The following GPM6B variants were observed in gnomAD, a reference collection of about 807,000 sequenced individuals.
GPM6B encodes the protein neuronal membrane glycoprotein M6-b.
GPM6B carries 4 observed loss-of-function variants against 27.2 expected under a neutral mutation model. The ratio of observed to expected loss-of-function variants is 0.15; its 90% CI spans 0.07 to 0.34. The LOEUF (loss-of-function observed/expected upper bound fraction) is 0.34. Ranked by LOEUF, GPM6B falls within the 10% of genes least tolerant of loss-of-function variation. GPM6B has a pLI of 1.00. For synonymous variants in GPM6B, 124 were observed against 103.1 expected, an observed-to-expected ratio of 1.20 and a Z score of -1.23; for missense variants, 183 against 261.9, an observed-to-expected ratio of 0.70 and a Z score of 2.08.
intron 2 of GPM6B, among the ~76,000 whole-genome samples, chrX:13,787,041 CAAAAAAAAAAAAA>C (rs869123073): frequency 4.1e-5 from 1 of 24,510 alleles, no homozygotes; most frequent in Non-Finnish European, 6.2e-5. Context: ...ATTAAGCCAG[CAAAAAAAAAAAAA>C]AAAAAAAAAA....
At chrX:13,917,361 A>C (rs992446863) in intron 1 of GPM6B, among the ~76,000 whole-genome samples, 2 of 112,836 alleles carry the variant, frequency 1.8e-5, no homozygotes, top group Non-Finnish European at 1.9e-5. Context: ...TTAGTTCTCC[A>C]AACAATTTAT....
chrX:13,863,507 G>A (rs1243127758), intron 1 of GPM6B, among the ~76,000 whole-genome samples: 1 of 111,541 alleles, frequency 9.0e-6, no homozygotes, highest in African/African-American at 3.3e-5. Flanking sequence ...CACACCACAA[G>A]CAAAAGTAAG....
intron 1 of GPM6B, among the ~76,000 whole-genome samples, chrX:13,814,860 T>C (rs1342553360): frequency 8.9e-6 from 1 of 112,370 alleles, no homozygotes; most frequent in African/African-American, 3.2e-5. Flanking sequence ...TTCAAGCATG[T>C]ACCATACATG....
At chrX:13,912,805 C>T (rs2050390134) in intron 1 of GPM6B, among the ~76,000 whole-genome samples, 1 of 111,755 alleles carries the variant, frequency 8.9e-6, no homozygotes, top group African/African-American at 3.3e-5. Context: ...GCCTTCTGCA[C>T]TTGATACAAT....
intron 1 of GPM6B, among the ~76,000 whole-genome samples, chrX:13,919,583 A>T (rs1685108689): frequency 1.8e-5 from 2 of 112,356 alleles, no homozygotes; most frequent in Admixed American, 9.5e-5. Flanking sequence ...TGAAAATGAC[A>T]TTTTTACTGA....
At chrX:13,850,686 T>C (rs1331597476) in intron 1 of GPM6B, among the ~76,000 whole-genome samples, 1 of 112,042 alleles carries the variant, frequency 8.9e-6, no homozygotes, top group East Asian at 2.8e-4. Flanking sequence ...CCAGCTTCTT[T>C]GAAAAAATGA....
chrX:13,935,819 T>C (rs1338078198), intron 1 of GPM6B, among the ~76,000 whole-genome samples: 1 of 112,433 alleles, frequency 8.9e-6, no homozygotes, highest in Non-Finnish European at 1.9e-5. Flanking sequence ...CAGCCAAACA[T>C]GGAACCCTTC....
Position 13,772,614 on chromosome X carries a change from G to A in GPM6B, c.*267C>T. On this transcript the variant is annotated 3_prime_UTR_variant, in exon 8 of 8. Coordinates refer to ENST00000316715, the MANE Select transcript of GPM6B (RefSeq NM_001001995.3). ...TTGCCCTAGCAATAAATGTGAACATGCCACAAATTCCCAAAGTATGAACGA... is the reference window on the plus strand; with the variant it reads ...TTGCCCTAGCAATAAATGTGAACATACCACAAATTCCCAAAGTATGAACGA... 3.4e-6 allele frequency: 1 copy of A among 294,081 alleles called. No homozygotes were observed. Among genetic ancestry groups the A allele is most frequent in the South Asian group, 9.5e-5 (1 of 10,497 alleles). 24.2% of individuals were successfully genotyped at this position (294,081 alleles called of 1,213,427 possible).
intron 1 of GPM6B, among the ~76,000 whole-genome samples, chrX:13,843,455 T>C (rs955755021): frequency 1.7e-4 from 19 of 112,300 alleles, no homozygotes; most frequent in Non-Finnish European, 2.6e-4. Flanking sequence ...TTTGGGTATA[T>C]ACCTGAAAGT....
intron 1 of GPM6B, among the ~76,000 whole-genome samples, chrX:13,921,760 G>A (rs1920979701): frequency 9.0e-6 from 1 of 110,895 alleles, no homozygotes; most frequent in African/African-American, 3.3e-5. Context: ...TGTATTTTTA[G>A]TAGAGACGGG....
rs189779801 is a variant in GPM6B at position 13,832,376 on chromosome X, T to C, written c.-197-46568A>G. Among the ~76,000 whole-genome samples, 460 of 112,432 alleles carry C rather than the reference T, an allele frequency of 4.1e-3. 2 individuals carry two copies. Among genetic ancestry groups the C allele is most frequent in the African/African-American group, 0.014 (431 of 30,985 alleles). On this transcript the variant is annotated intron_variant, in intron 1 of 6. Coordinates refer to the GPM6B transcript ENST00000398361. ...ACAAAATATTTGAAATTTACCAACA[T>C]GTGGCTTGTTGAAGTATCCGAAATT...
Position 13,772,566 on chromosome X carries a change from T to C in GPM6B, c.*315A>G, listed in dbSNP as rs1332461203. On this transcript the variant is annotated 3_prime_UTR_variant, in exon 8 of 8. Coordinates refer to ENST00000316715, the MANE Select transcript of GPM6B (RefSeq NM_001001995.3). The stretch of plus-strand genomic sequence containing the variant: ...GGTCCCTATTAAGGAGTGTGACATA[T>C]TCCATTGAGTGTCTTGGTAGAATTG... 1 of 229,117 alleles carries C rather than the reference T, an allele frequency of 4.4e-6. No homozygotes were observed. The highest frequency in any genetic ancestry group is 8.0e-6 in the Non-Finnish European group (1 of 124,810). 18.9% of individuals were successfully genotyped at this position (229,117 alleles called of 1,213,427 possible).
intron 2 of GPM6B, among the ~76,000 whole-genome samples, chrX:13,803,789 C>A (rs899311817): frequency 9.0e-6 from 1 of 111,687 alleles, no homozygotes; most frequent in African/African-American, 3.3e-5. Flanking sequence ...CTCACCTTCA[C>A]TGCCCCTTCC....
intron 1 of GPM6B, among the ~76,000 whole-genome samples, chrX:13,890,668 A>G (rs2050180638): frequency 9.0e-6 from 1 of 110,815 alleles, no homozygotes; most frequent in Non-Finnish European, 1.9e-5. Context: ...GAGCTGTTGC[A>G]CTGTAGGATG....
At chrX:13,833,685 C>T (rs2049465959) in intron 1 of GPM6B, among the ~76,000 whole-genome samples, 1 of 111,507 alleles carries the variant, frequency 9.0e-6, no homozygotes, top group Admixed American at 9.5e-5. Context: ...CATGATCACA[C>T]TATTGCACTC....
At chrX:13,912,441 ATCTGACC>A (rs1260221788) in intron 1 of GPM6B, among the ~76,000 whole-genome samples, 1 of 111,644 alleles carries the variant, frequency 9.0e-6, no homozygotes, top group African/African-American at 3.2e-5. Flanking sequence ...ACCCCAAATC[ATCTGACC>A]TCCTCCATTA....
intron 1 of GPM6B, among the ~76,000 whole-genome samples, chrX:13,867,804 G>A (rs2049935078): frequency 1.8e-5 from 2 of 111,942 alleles, no homozygotes; most frequent in Non-Finnish European, 3.8e-5. Context: ...CAAGATGGGG[G>A]TGAGGGAAGG....
At chrX:13,905,245 AAG>A (rs2050319456) in intron 1 of GPM6B, among the ~76,000 whole-genome samples, 1 of 90,785 alleles carries the variant, frequency 1.1e-5, no homozygotes, top group Admixed American at 1.3e-4. Flanking sequence ...AAAAAAAAAA[AAG>A]AAAAGAAAAG....
chrX:13,860,789 C>T (rs1295652281), intron 1 of GPM6B, among the ~76,000 whole-genome samples: 1 of 108,777 alleles, frequency 9.2e-6, no homozygotes, highest in Non-Finnish European at 1.9e-5. Flanking sequence ...CCACCCCCAG[C>T]CTTTCCCCCC....
Sources: gnomAD v4.1 joint callset for allele counts (sites outside exome capture counted in the v4.1 genomes callset) on GRCh38, gnomAD v4.1.1 for gene constraint, MANE v1.5 for transcripts, NCBI Gene and HGNC (gene_info 2026-07-23, HGNC 2026-07-21) for gene names.